The following TRAPPC6B variants were observed in gnomAD, a reference collection of about 807,000 sequenced individuals.
The protein encoded by TRAPPC6B is TRAPP complex subunit 6B.
TRAPPC6B carries 27 observed loss-of-function variants against 24.7 expected under a neutral mutation model. The observed-to-expected ratio is 1.09, with a 90% confidence interval of 0.81 to 1.51. TRAPPC6B has a LOEUF of 1.51. Ranked by LOEUF, TRAPPC6B falls within the 40% of genes most tolerant of loss-of-function variation. The pLI is 0.00. For missense variants in TRAPPC6B, 212 were observed against 190.8 expected (o/e 1.11, Z -0.66); for synonymous variants, 80 against 66.6 (o/e 1.20, Z -0.98).
chr14:39,155,119 G>A (rs28666016), intron 3 of TRAPPC6B, among the ~76,000 whole-genome samples: 14,140 of 152,018 alleles, frequency 0.093, 875 homozygotes, highest in East Asian at 0.32. Context: ...TTGTAGAAAG[G>A]GGGTCTCCCT....
At chr14:39,159,095 A>G (rs1221269995) in intron 2 of TRAPPC6B, 2 of 153,284 alleles carry the variant, frequency 1.3e-5, no homozygotes, top group African/African-American at 4.8e-5. Flanking sequence ...GTTCAAAGAT[A>G]ATTACACGCA....
intron 1 of TRAPPC6B, among the ~76,000 whole-genome samples, chr14:39,167,871 G>GAA (rs59380407): frequency 7.4e-5 from 11 of 148,044 alleles, no homozygotes; most frequent in South Asian, 4.3e-4. Flanking sequence ...TAACCCACGG[G>GAA]AAAAAAAAAA....
chr14:39,156,074 T>C lies in TRAPPC6B; in HGVS notation c.268-1780A>G, dbSNP rs1032317395. 1.2e-4 allele frequency among the ~76,000 whole-genome samples: 19 copies of C among 152,308 alleles called. No homozygotes were observed. In the East Asian group the frequency reaches 3.5e-3, roughly 28 times the overall value. On this transcript the variant is annotated intron_variant, in intron 3 of 5. Coordinates refer to ENST00000330149, the MANE Select transcript of TRAPPC6B (RefSeq NM_001079537.2). The stretch of plus-strand genomic sequence containing the variant: ...TCCCAAAATGCTGCAATTCTAAGCA[T>C]GAGCCACCATGTCCAGCCAGCTGAT...
chr14:39,151,123 G>A (rs2052906782), intron 5 of TRAPPC6B, among the ~76,000 whole-genome samples: 1 of 151,984 alleles, frequency 6.6e-6, no homozygotes, highest in Non-Finnish European at 1.5e-5. Flanking sequence ...CGGGCGCGGT[G>A]GTTCATGCCT....
intron 3 of TRAPPC6B, among the ~76,000 whole-genome samples, chr14:39,154,953 G>A (rs761518009): frequency 1.1e-4 from 16 of 152,156 alleles, no homozygotes; most frequent in Non-Finnish European, 2.1e-4. Flanking sequence ...TTAGACATGA[G>A]CTCTCACTCT....
chr14:39,165,711 C>A (rs1414336004), intron 1 of TRAPPC6B, among the ~76,000 whole-genome samples: 3 of 152,192 alleles, frequency 2.0e-5, no homozygotes, highest in Non-Finnish European at 4.4e-5. Context: ...GTGGGAGGAT[C>A]ACTTAAGCCC....
rs200536399 is a variant in TRAPPC6B at position 39,154,264 on chromosome 14, G to A, written c.298C>T (p.Arg100Cys). 1.6e-5 allele frequency: 26 copies of A among 1,612,964 alleles called. No homozygotes were observed. The highest frequency in any genetic ancestry group is 1.6e-4 in the Middle Eastern group (1 of 6,080). ...GIYVLQDNKF[R>C]LLTQMSAGKQ... Reference sequence around the variant, plus strand: ...CCTGCAGACATCTGAGTAAGCAGGCGAAATTTGTTGTCCTGAAGTACATAG... The same window carrying A: ...CCTGCAGACATCTGAGTAAGCAGGCAAAATTTGTTGTCCTGAAGTACATAG... Residue 100 changes from arginine (R) to cysteine (C), a missense_variant, in exon 4 of 6, where the codon CGC becomes TGC. Arg to Cys is a radical substitution (Grantham distance 180). Coordinates refer to ENST00000330149, the MANE Select transcript of TRAPPC6B (RefSeq NM_001079537.2).
At chr14:39,163,025 T>A (rs546046607) in intron 1 of TRAPPC6B, among the ~76,000 whole-genome samples, 1 of 150,930 alleles carries the variant, frequency 6.6e-6, no homozygotes, top group East Asian at 1.9e-4. Flanking sequence ...TTTAACCATC[T>A]TCTTTAAAAG....
intron 3 of TRAPPC6B, among the ~76,000 whole-genome samples, chr14:39,155,509 G>C (rs2415534): frequency 0.13 from 20,145 of 151,742 alleles, 1,387 homozygotes; most frequent in Middle Eastern, 0.17. Context: ...CTGAAGTGCT[G>C]GGATTATAGG....
At chr14:39,168,768 T>A (rs766965470) in intron 1 of TRAPPC6B, among the ~76,000 whole-genome samples, 10 of 152,212 alleles carry the variant, frequency 6.6e-5, no homozygotes, top group Non-Finnish European at 1.5e-4. Flanking sequence ...GTTATCTCCT[T>A]TTCTCACTAT....
At chr14:39,160,614 G>T (rs995158204) in intron 1 of TRAPPC6B, among the ~76,000 whole-genome samples, 2 of 150,322 alleles carry the variant, frequency 1.3e-5, no homozygotes, top group Non-Finnish European at 3.0e-5. Context: ...GAAAAGAAGA[G>T]GGGAGGGGAG....
At chr14:39,150,413 T>C in intron 5 of TRAPPC6B, 32 bp from the exon 6 acceptor site, 1 of 1,486,066 alleles carries the variant, frequency 6.7e-7, no homozygotes, top group Non-Finnish European at 9.1e-7. Flanking sequence ...ATTCTTTGAT[T>C]TTAGATACAA....
Position 39,148,797 on chromosome 14 carries a change from T to A in TRAPPC6B, c.*1553A>T. ...AAGGGGATACATTCTGAGAAATGCATCATCATTAGGAGATTTTAAAATTGT... is the reference window on the plus strand; with the variant it reads ...AAGGGGATACATTCTGAGAAATGCAACATCATTAGGAGATTTTAAAATTGT... On this transcript the variant is annotated 3_prime_UTR_variant, in exon 6 of 6. Coordinates refer to ENST00000330149, the MANE Select transcript of TRAPPC6B (RefSeq NM_001079537.2). 5.0e-6 allele frequency: 2 copies of A among 398,346 alleles called. No individual in the cohort carries two copies. The highest frequency in any genetic ancestry group is 7.1e-5 in the East Asian group (2 of 28,016). 24.7% of individuals were successfully genotyped at this position (398,346 alleles called of 1,614,324 possible). A position where few individuals can be genotyped will look rare whatever the true frequency, so the allele number is the denominator to read the frequency against.
chr14:39,166,265 A>AC (rs34567458), intron 1 of TRAPPC6B, among the ~76,000 whole-genome samples: 43,925 of 125,876 alleles, frequency 0.35, 7,551 homozygotes, highest in Non-Finnish European at 0.44. Flanking sequence ...TAAAAAAAAA[A>AC]AAAACAAAAA....
chr14:39,151,808 CCT>C lies in TRAPPC6B; in HGVS notation c.381_382del (p.Gly128TrpfsTer14), dbSNP rs771251346. On this transcript the variant is annotated frameshift_variant, in exon 5 of 6. Coordinates refer to ENST00000330149, the MANE Select transcript of TRAPPC6B (RefSeq NM_001079537.2). LOFTEE classifies it high-confidence loss of function. ...TTTTATTCCCAAGTTTGATAAGCCA[CCT>C]CTGATTAAGCCACACGTAAATGCTA... 6.2e-7 allele frequency: 1 copy of C among 1,608,660 alleles called. No individual in the cohort carries two copies. The highest frequency in any genetic ancestry group is 1.1e-5 in the South Asian group (1 of 89,468).
chr14:39,169,725 T>C (rs10483541), intron 1 of TRAPPC6B, among the ~76,000 whole-genome samples: 4,119 of 152,106 alleles, frequency 0.027, 104 homozygotes, highest in Middle Eastern at 0.12. Context: ...TCGTAAATAA[T>C]GGCAGGGACA....
intron 1 of TRAPPC6B, among the ~76,000 whole-genome samples, chr14:39,168,379 A>C (rs938116272): frequency 1.3e-5 from 2 of 152,198 alleles, no homozygotes; most frequent in Non-Finnish European, 2.9e-5. Context: ...AGCTTTGCAC[A>C]AACAGTAAAC....
At chr14:39,153,570 A>G (rs2052940200) in intron 4 of TRAPPC6B, among the ~76,000 whole-genome samples, 1 of 151,752 alleles carries the variant, frequency 6.6e-6, no homozygotes, top group Non-Finnish European at 1.5e-5. Context: ...GGTCAAGGTC[A>G]AGATAGGCCA....
intron 1 of TRAPPC6B, among the ~76,000 whole-genome samples, chr14:39,167,868 C>CA (rs1236268698): frequency 7.7e-6 from 1 of 129,924 alleles, no homozygotes; most frequent in Admixed American, 7.8e-5. Flanking sequence ...GATTAACCCA[C>CA]GGGAAAAAAA....
Sources: allele counts gnomAD v4.1 joint callset (sites outside exome capture counted in the v4.1 genomes callset), GRCh38; gene constraint gnomAD v4.1.1; transcripts MANE v1.5; gene names NCBI Gene and HGNC (gene_info 2026-07-23, HGNC 2026-07-21).